The following KDM4C variants were observed in gnomAD, a reference collection of about 807,000 sequenced individuals.
The protein encoded by KDM4C is lysine-specific demethylase 4C.
In KDM4C, 81 loss-of-function variants were observed where a neutral mutation model predicts 129.3. That is an observed-to-expected ratio of 0.63 (90% confidence interval 0.52 to 0.75). The LOEUF is 0.75. Ranked by LOEUF, KDM4C falls within the 30% of genes least tolerant of loss-of-function variation. The pLI, the probability that KDM4C is intolerant of heterozygous loss-of-function variation, is 0.00. For synonymous variants in KDM4C, 573 were observed against 456.1 expected (o/e 1.26, Z -3.26); for missense variants, 1,457 against 1,304.0 (o/e 1.12, Z -1.81).
intron 4 of KDM4C, among the ~76,000 whole-genome samples, chr9:6,816,605 A>G (rs1000345285): frequency 1.3e-5 from 2 of 152,224 alleles, no homozygotes; most frequent in Non-Finnish European, 2.9e-5. Context: ...GGTTAGCTTT[A>G]GAAGAAAACA....
intron 15 of KDM4C, among the ~76,000 whole-genome samples, chr9:7,032,082 C>T (rs1056920475): frequency 6.6e-6 from 1 of 152,240 alleles, no homozygotes; most frequent in Non-Finnish European, 1.5e-5. Context: ...GAAGCTCCAA[C>T]CCCTGTAACT....
rs1428437144 is a variant in KDM4C at position 6,824,605 on chromosome 9, G to A, written c.435+9860G>A. ...GTTTTTTATTGTATTAGAAATTAAGGCCGGGCGTGGTGGCTCACGCAAGAC... is the reference window on the plus strand; with the variant it reads ...GTTTTTTATTGTATTAGAAATTAAGACCGGGCGTGGTGGCTCACGCAAGAC... On this transcript the variant is annotated intron_variant, in intron 4 of 21. Coordinates refer to ENST00000381309, the MANE Select transcript of KDM4C (RefSeq NM_015061.6). Among the ~76,000 whole-genome samples the A allele has an allele frequency of 3.4e-5, 5 of 149,062 alleles. No homozygotes were observed. The East Asian group carries it at 5.9e-4, about 18-fold the overall frequency.
chr9:6,755,331 A>G (rs1295924191), upstream of KDM4C, among the ~76,000 whole-genome samples: 1 of 152,232 alleles, frequency 6.6e-6, no homozygotes, highest in Non-Finnish European at 1.5e-5. Flanking sequence ...AGATCGCGCC[A>G]CTGCACTCCA....
chr9:7,150,010 G>C (rs1208841682), intron 19 of KDM4C, among the ~76,000 whole-genome samples: 1 of 152,200 alleles, frequency 6.6e-6, no homozygotes, highest in Admixed American at 6.5e-5. Context: ...GAGATCACGA[G>C]TGGGATCATT....
chr9:6,744,296 C>T (rs529998067), intron 1 of KDM4C, among the ~76,000 whole-genome samples: 13 of 152,170 alleles, frequency 8.5e-5, no homozygotes, highest in Admixed American at 3.3e-4. Context: ...GAGGCTGAGA[C>T]GGGCAGATCA....
chr9:7,094,339 T>A (rs539620348), intron 17 of KDM4C, among the ~76,000 whole-genome samples: 15 of 152,254 alleles, frequency 9.9e-5, no homozygotes, highest in South Asian at 8.3e-4. Flanking sequence ...AATTTCTTTT[T>A]TTTTATTTTA....
intron 15 of KDM4C, among the ~76,000 whole-genome samples, chr9:7,016,806 C>G (rs1823782538): frequency 1.3e-5 from 2 of 152,116 alleles, no homozygotes; most frequent in Non-Finnish European, 2.9e-5. Context: ...TTTACATTTT[C>G]AAGGCTTCAG....
At chr9:7,166,734 T>A (rs1844428293) in intron 20 of KDM4C, among the ~76,000 whole-genome samples, 1 of 152,184 alleles carries the variant, frequency 6.6e-6, no homozygotes, top group African/African-American at 2.4e-5. Flanking sequence ...ATTTGCTACA[T>A]GAAAAGAATC....
At chr9:6,885,469 CT>C (rs1315316511) in intron 6 of KDM4C, among the ~76,000 whole-genome samples, 2 of 152,118 alleles carry the variant, frequency 1.3e-5, no homozygotes, top group African/African-American at 4.8e-5. Context: ...TTGTGGATTG[CT>C]TTTAGGGTTT....
At chr9:6,727,250 A>C (rs1817161956) in intron 1 of KDM4C, 1 of 150,736 alleles carries the variant, frequency 6.6e-6, no homozygotes, top group South Asian at 2.2e-4. Flanking sequence ...CAGGAGTTCG[A>C]GACCAGACTG....
chr9:6,996,685 A>T (rs1178063766), intron 12 of KDM4C, among the ~76,000 whole-genome samples: 1 of 152,212 alleles, frequency 6.6e-6, no homozygotes, highest in Non-Finnish European at 1.5e-5. Context: ...GATTCCCACC[A>T]TGTGCTAGTG....
At chr9:7,164,935 A>C (rs191766648) in intron 19 of KDM4C, among the ~76,000 whole-genome samples, 18 of 152,314 alleles carry the variant, frequency 1.2e-4, no homozygotes, top group African/African-American at 3.8e-4. Context: ...TCCTCAGCTA[A>C]AGCGGTTTCT....
chr9:6,980,354 TTTG>T (rs930505283), intron 8 of KDM4C, among the ~76,000 whole-genome samples: 5 of 152,122 alleles, frequency 3.3e-5, no homozygotes, highest in African/African-American at 9.7e-5. Context: ...AGTGGATATG[TTTG>T]TTGTTGTTGT....
At chr9:6,908,557 C>T (rs10120163) in intron 8 of KDM4C, among the ~76,000 whole-genome samples, 12,660 of 151,874 alleles carry the variant, frequency 0.083, 1,346 homozygotes, top group African/African-American at 0.25. Context: ...CATTTAGCCA[C>T]GGAGAATCAG....
intron 4 of KDM4C, among the ~76,000 whole-genome samples, chr9:6,837,617 A>T (rs574898373): frequency 6.6e-6 from 1 of 152,108 alleles, no homozygotes; most frequent in Non-Finnish European, 1.5e-5. Flanking sequence ...ATATCTTTTC[A>T]TGTCTTTATC....
chr9:6,960,982 C>T (rs772654030), intron 8 of KDM4C, among the ~76,000 whole-genome samples: 8 of 152,076 alleles, frequency 5.3e-5, no homozygotes, highest in South Asian at 2.1e-4. Flanking sequence ...TACTTATGAG[C>T]GACATGGGGT....
intron 8 of KDM4C, among the ~76,000 whole-genome samples, chr9:6,976,900 G>A (rs918261865): frequency 6.6e-6 from 1 of 152,018 alleles, no homozygotes; most frequent in South Asian, 2.1e-4. Context: ...AGATCTAAAG[G>A]ATAAGATAGG....
intron 1 of KDM4C, among the ~76,000 whole-genome samples, chr9:6,729,439 G>T (rs1817252237): frequency 7.9e-6 from 1 of 127,252 alleles, no homozygotes; most frequent in Non-Finnish European, 1.6e-5. Flanking sequence ...TACTTAGGAG[G>T]CTTTGGTGGG....
At chr9:7,091,672 A>G (rs1189485446) in intron 17 of KDM4C, among the ~76,000 whole-genome samples, 1 of 152,218 alleles carries the variant, frequency 6.6e-6, no homozygotes, top group Non-Finnish European at 1.5e-5. Flanking sequence ...TTTTCTTTCC[A>G]TAAAAATAAA....
Sources: allele counts gnomAD v4.1 joint callset (sites outside exome capture counted in the v4.1 genomes callset), GRCh38; gene constraint gnomAD v4.1.1; transcripts MANE v1.5; gene names NCBI Gene and HGNC (gene_info 2026-07-23, HGNC 2026-07-21).